The following PTPN4 variants were observed in gnomAD, a reference collection of about 807,000 sequenced individuals.
PTPN4 encodes the protein tyrosine-protein phosphatase non-receptor type 4.
In PTPN4, 49 loss-of-function variants were observed where a neutral mutation model predicts 135.5. The observed-to-expected ratio is 0.36, with a 90% CI of 0.29 to 0.46. The LOEUF (loss-of-function observed/expected upper bound fraction) is 0.46. PTPN4 is among the 20% of genes least tolerant of loss of function. PTPN4 has a pLI of 1.00. For synonymous variants in PTPN4, 333 were observed against 369.9 expected, an observed-to-expected ratio of 0.90 and a Z score of 1.14; for missense variants, 860 against 1,101.0, an observed-to-expected ratio of 0.78 and a Z score of 3.10.
chr2:119,966,292 A>G (rs1679444829), intron 25 of PTPN4, among the ~76,000 whole-genome samples: 1 of 151,996 alleles, frequency 6.6e-6, no homozygotes, highest in East Asian at 1.9e-4. Context: ...GGAGTCTCAT[A>G]CTGTCACACA....
intron 2 of PTPN4, among the ~76,000 whole-genome samples, chr2:119,852,397 AG>A (rs1164772154): frequency 1.3e-5 from 2 of 152,230 alleles, no homozygotes; most frequent in Non-Finnish European, 2.9e-5. Context: ...CAGTTGTAAC[AG>A]GTGCAGGCAA....
intron 2 of PTPN4, among the ~76,000 whole-genome samples, chr2:119,841,566 A>G (rs1677382067): frequency 6.6e-6 from 1 of 152,140 alleles, no homozygotes; most frequent in East Asian, 1.9e-4. Flanking sequence ...ATATATATCT[A>G]TTTCTCCAGC....
intron 2 of PTPN4, among the ~76,000 whole-genome samples, chr2:119,839,543 T>A (rs901647483): frequency 6.6e-6 from 1 of 152,212 alleles, no homozygotes; most frequent in African/African-American, 2.4e-5. Context: ...GCAACAATTT[T>A]AAAAATACTT....
chr2:119,963,084 G>A (rs1284478756), intron 24 of PTPN4, among the ~76,000 whole-genome samples: 1 of 152,136 alleles, frequency 6.6e-6, no homozygotes, highest in East Asian at 1.9e-4. Flanking sequence ...TATCAGTACA[G>A]TATTTGGGTG....
intron 1 of PTPN4, among the ~76,000 whole-genome samples, chr2:119,762,114 A>G (rs1243771975): frequency 6.6e-6 from 1 of 152,182 alleles, no homozygotes; most frequent in Non-Finnish European, 1.5e-5. Flanking sequence ...ACTTGCTAAA[A>G]ATACTTTCTG....
chr2:119,816,147 G>T (rs1262419972), intron 2 of PTPN4, among the ~76,000 whole-genome samples: 1 of 152,182 alleles, frequency 6.6e-6, no homozygotes, highest in African/African-American at 2.4e-5. Flanking sequence ...ATGGCCTGTT[G>T]CTCCTAGGCT....
At chr2:119,946,603 C>A (rs1302739082) in intron 18 of PTPN4, 29 bp downstream of exon 18, 6 of 1,484,252 alleles carry the variant, frequency 4.0e-6, no homozygotes, top group South Asian at 1.2e-5. Flanking sequence ...TCAAATAAAT[C>A]CTGTTTTCAA....
intron 5 of PTPN4, among the ~76,000 whole-genome samples, chr2:119,878,824 T>C (rs1359790504): frequency 2.6e-5 from 4 of 151,938 alleles, no homozygotes; most frequent in Non-Finnish European, 5.9e-5. Flanking sequence ...CCGGGTGCAG[T>C]GGCTCACGCC....
intron 26 of PTPN4, among the ~76,000 whole-genome samples, chr2:119,975,336 G>A (rs995384968): frequency 1.3e-5 from 2 of 151,980 alleles, no homozygotes; most frequent in Non-Finnish European, 2.9e-5. Flanking sequence ...TGCTGGTCTT[G>A]AATTCCTGGC....
intron 2 of PTPN4, among the ~76,000 whole-genome samples, chr2:119,843,495 A>T: frequency 7.9e-6 from 1 of 125,860 alleles, no homozygotes; most frequent in African/African-American, 3.2e-5. Context: ...GTTCTCAATG[A>T]GCTGTTGGGC....
chr2:119,789,990 A>G (rs1394305835), intron 1 of PTPN4, among the ~76,000 whole-genome samples: 1 of 152,066 alleles, frequency 6.6e-6, no homozygotes, highest in Admixed American at 6.6e-5. Flanking sequence ...GGCCTTTCAA[A>G]GTGCTGGGAT....
At chr2:119,797,490 T>G (rs1350407821) in intron 1 of PTPN4, among the ~76,000 whole-genome samples, 1 of 152,240 alleles carries the variant, frequency 6.6e-6, no homozygotes, top group African/African-American at 2.4e-5. Flanking sequence ...TGATATTAGA[T>G]GAAAAGTGCT....
In PTPN4 at chr2:119,945,381, T is replaced by A. The variant is rs910441104; in HGVS notation, c.1515+141T>A. The A allele has an allele frequency of 1.4e-5, 10 of 730,228 alleles. No individual in the cohort carries two copies. In the Admixed American group the frequency reaches 3.7e-4, roughly 27 times the overall value. 45.2% of individuals were successfully genotyped at this position (730,228 alleles called of 1,614,324 possible). A position where few individuals can be genotyped will look rare whatever the true frequency, so the allele number is the denominator to read the frequency against. ...TTTCATCATATTCTTTGGTCCTGAA[T>A]TGTGCCATGATGTATCTCAATATAA... On this transcript the variant is annotated intron_variant, in intron 16 of 26. Transcript: ENST00000263708.
chr2:119,804,084 C>A (rs1253510203), intron 1 of PTPN4, among the ~76,000 whole-genome samples: 1 of 151,678 alleles, frequency 6.6e-6, no homozygotes, highest in Non-Finnish European at 1.5e-5. Flanking sequence ...GGCCATGTAC[C>A]CCATCCCCAC....
At position 119,978,346 on chromosome 2, in the gene PTPN4, G is replaced by A. The variant is rs1679646903; in HGVS notation, c.*1276G>A. 6.6e-6 allele frequency: 1 copy of A among 152,136 alleles called. No homozygotes were observed. Among genetic ancestry groups the A allele is most frequent in the African/African-American group, 2.4e-5 (1 of 41,422 alleles). 9.4% of individuals were successfully genotyped at this position (152,136 alleles called of 1,614,324 possible). The stretch of plus-strand genomic sequence containing the variant: ...CAAGCTTTGTTCACACTGATATATT[G>A]ATTGGGATTCTTCAAACGAAGAATG... On this transcript the variant is annotated 3_prime_UTR_variant, in exon 27 of 27. Transcript: ENST00000263708.
intron 23 of PTPN4, among the ~76,000 whole-genome samples, chr2:119,962,400 G>A (rs1376184448): frequency 6.6e-6 from 1 of 151,620 alleles, no homozygotes; most frequent in Non-Finnish European, 1.5e-5. Context: ...GTTGCAGTGA[G>A]CCAAGATCGT....
chr2:119,921,060 C>T (rs1468309976), intron 12 of PTPN4, among the ~76,000 whole-genome samples: 1 of 152,148 alleles, frequency 6.6e-6, no homozygotes, highest in Non-Finnish European at 1.5e-5. Flanking sequence ...GCAGGCGGAT[C>T]ACCAGAGGTC....
chr2:119,843,382 T>C (rs1281712785), intron 2 of PTPN4, among the ~76,000 whole-genome samples: 1 of 144,082 alleles, frequency 6.9e-6, no homozygotes, highest in Admixed American at 6.9e-5. Flanking sequence ...GTCTCCCATG[T>C]CTACTTCTTT....
chr2:119,913,047 T>C (rs1428788707), intron 10 of PTPN4, among the ~76,000 whole-genome samples: 1 of 152,188 alleles, frequency 6.6e-6, no homozygotes, highest in African/African-American at 2.4e-5. Flanking sequence ...CGCATTGTAG[T>C]ATGTATCAGT....
Sources: gnomAD v4.1 joint callset for allele counts (sites outside exome capture counted in the v4.1 genomes callset) on GRCh38, gnomAD v4.1.1 for gene constraint, MANE v1.5 for transcripts, NCBI Gene and HGNC (gene_info 2026-07-23, HGNC 2026-07-21) for gene names.